The following TRABD2A variants were observed in gnomAD, a reference collection of about 807,000 sequenced individuals.
The protein encoded by TRABD2A is metalloprotease TIKI1.
TRABD2A carries 43 observed loss-of-function variants against 45.6 expected under a neutral mutation model. The observed-to-expected ratio is 0.94, with a 90% confidence interval of 0.74 to 1.22. The LOEUF is 1.22. Ranked by LOEUF, TRABD2A falls within the 50% of genes most tolerant of loss-of-function variation. The pLI, the probability that TRABD2A is intolerant of heterozygous loss-of-function variation, is 0.00. For missense variants in TRABD2A, 642 were observed against 652.4 expected, an observed-to-expected ratio of 0.98 and a Z score of 0.17; for synonymous variants, 269 against 265.0, an observed-to-expected ratio of 1.02 and a Z score of -0.15.
Position 84,865,928 on chromosome 2 carries a change from T to C in TRABD2A, c.669+4297A>G, listed in dbSNP as rs772669644. 8.8e-4 allele frequency among the ~76,000 whole-genome samples: 134 copies of C among 152,220 alleles called. 1 individual carries two copies. Among genetic ancestry groups the C allele is most frequent in the Non-Finnish European group, 1.4e-3 (95 of 68,038 alleles). ...GCTTCCTTCACATAGGGAATGCCAA[T>C]GCAGCTGGCAGTACCAAGCAGGCAT... On this transcript the variant is annotated intron_variant, in intron 2 of 6. Coordinates refer to ENST00000409520, the MANE Select transcript of TRABD2A (RefSeq NM_001277053.2).
chr2:84,852,427 C>G (rs1483718578), intron 2 of TRABD2A, among the ~76,000 whole-genome samples: 2 of 151,974 alleles, frequency 1.3e-5, no homozygotes, highest in Non-Finnish European at 2.9e-5. Flanking sequence ...CCAGCATGAC[C>G]ATGGGATTGG....
intron 2 of TRABD2A, among the ~76,000 whole-genome samples, chr2:84,864,526 T>A (rs1178662859): frequency 2.0e-5 from 3 of 152,066 alleles, no homozygotes; most frequent in Admixed American, 6.5e-5. Flanking sequence ...CAGAGTTGGA[T>A]TAGAAACAGG....
At chr2:84,827,605 T>C (rs779145688) in intron 5 of TRABD2A, among the ~76,000 whole-genome samples, 5 of 152,208 alleles carry the variant, frequency 3.3e-5, no homozygotes, top group South Asian at 2.1e-4. Context: ...AAGATGTCCA[T>C]GACCTAGCCC....
At chr2:84,865,979 G>A (rs984098522) in intron 2 of TRABD2A, among the ~76,000 whole-genome samples, 3 of 152,232 alleles carry the variant, frequency 2.0e-5, no homozygotes, top group Non-Finnish European at 2.9e-5. Flanking sequence ...GAGAACAGGA[G>A]TCATAACTTG....
At chr2:84,837,518 C>T (rs1461318557) in intron 4 of TRABD2A, 1 of 152,212 alleles carries the variant, frequency 6.6e-6, no homozygotes, top group Non-Finnish European at 1.5e-5. Flanking sequence ...CCCTTAGTCC[C>T]AGGTGCATTG....
chr2:84,822,181 G>C (rs147021786), intron 6 of TRABD2A, 81 bp from the exon 7 acceptor site: 14 of 1,246,164 alleles, frequency 1.1e-5, no homozygotes, highest in Non-Finnish European at 1.5e-5. Flanking sequence ...TGCCCACACA[G>C]CTTCTCTTCA....
chr2:84,857,228 A>G (rs1682344083), intron 2 of TRABD2A, among the ~76,000 whole-genome samples: 1 of 152,210 alleles, frequency 6.6e-6, no homozygotes, highest in African/African-American at 2.4e-5. Flanking sequence ...CTGGGGCAAC[A>G]ATAAGAATAA....
Position 84,822,003 on chromosome 2 carries a change from C to G in TRABD2A, c.1432G>C (p.Val478Leu). 1 of 1,598,920 alleles carries G rather than the reference C, an allele frequency of 6.3e-7. No individual in the cohort carries two copies. Among genetic ancestry groups the G allele is most frequent in the Non-Finnish European group, 8.5e-7 (1 of 1,172,974 alleles). ...AGAGACAGGCAGGCACTGCTGGCCA[C>G]CATCTGGCTGTGGTGGGAATGCCCA... Reference protein sequence around the residue: ...RRGHSHHSQMVASSACLSLWT... With the variant: ...RRGHSHHSQMLASSACLSLWT... The change falls in exon 7 of 7, where the codon GTG becomes CTG. Residue 478 changes from valine to leucine, a missense_variant. Coordinates refer to ENST00000409520, the MANE Select transcript of TRABD2A (RefSeq NM_001277053.2).
chr2:84,845,961 T>C (rs1034091450), intron 2 of TRABD2A, among the ~76,000 whole-genome samples: 3 of 152,184 alleles, frequency 2.0e-5, no homozygotes, highest in Admixed American at 6.5e-5. Context: ...TAGTGTATCA[T>C]AGAAGCTTCT....
chr2:84,873,114 CAAAA>C (rs34974821), intron 1 of TRABD2A, among the ~76,000 whole-genome samples: 70 of 70,684 alleles, frequency 9.9e-4, no homozygotes, highest in African/African-American at 3.5e-3. Context: ...GACTTCATCT[CAAAA>C]AAAAAAAAAA....
At chr2:84,843,555 A>C (rs1681781416) in intron 2 of TRABD2A, 1 of 152,386 alleles carries the variant, frequency 6.6e-6, no homozygotes, top group Non-Finnish European at 1.5e-5. Flanking sequence ...TGAGGAACAG[A>C]AATATATTTC....
intron 2 of TRABD2A, among the ~76,000 whole-genome samples, chr2:84,853,435 T>C (rs1682166880): frequency 6.6e-6 from 1 of 152,124 alleles, no homozygotes; most frequent in Non-Finnish European, 1.5e-5. Flanking sequence ...GAAAAGCCCC[T>C]TATGAAACTA....
In TRABD2A at chr2:84,835,764, T is replaced by TCTTCCTG. The variant is rs1291203227; in HGVS notation, c.991+3384_991+3385insCAGGAAG. Among the ~76,000 whole-genome samples the TCTTCCTG allele has an allele frequency of 6.7e-3, 1,022 of 152,272 alleles. 17 individuals are homozygous for TCTTCCTG. The highest frequency in any genetic ancestry group is 0.024 in the African/African-American group (991 of 41,538). On this transcript the variant is annotated intron_variant, in intron 4 of 6. Transcript: ENST00000409520. ...TACATGGCAGGAGGGGCTAATGCTA[T>TCTTCCTG]ATCTTCACATGGTGGAAGGCACAAG...
At chr2:84,861,009 G>A (rs1471556547) in intron 2 of TRABD2A, among the ~76,000 whole-genome samples, 2 of 152,226 alleles carry the variant, frequency 1.3e-5, no homozygotes, top group African/African-American at 4.8e-5. Context: ...GCTCAGGCAG[G>A]TATCAGGCCC....
chr2:84,860,453 C>G (rs1302974017), intron 2 of TRABD2A, among the ~76,000 whole-genome samples: 4 of 152,110 alleles, frequency 2.6e-5, no homozygotes, highest in Non-Finnish European at 5.9e-5. Context: ...AGGAGAGAGG[C>G]CTTGGAAGAA....
chr2:84,827,198 G>T (rs1413659696), intron 5 of TRABD2A, among the ~76,000 whole-genome samples: 3 of 152,138 alleles, frequency 2.0e-5, no homozygotes, highest in African/African-American at 4.8e-5. Context: ...GGTCATTTTG[G>T]CTACAATATA....
intron 5 of TRABD2A, among the ~76,000 whole-genome samples, chr2:84,829,384 ACACACACAC>A (rs1484358839): frequency 8.1e-5 from 12 of 147,502 alleles, no homozygotes; most frequent in African/African-American, 2.5e-4. Context: ...ACACACACAC[ACACACACAC>A]ACACACCACA....
intron 2 of TRABD2A, among the ~76,000 whole-genome samples, chr2:84,855,024 C>T (rs1034682476): frequency 4.6e-5 from 7 of 152,274 alleles, no homozygotes; most frequent in Middle Eastern, 3.4e-3. Context: ...CATGATTCCA[C>T]GTGCCCCCTC....
In TRABD2A at chr2:84,839,238, A is replaced by G. The variant is rs777734196; in HGVS notation, c.902T>C (p.Ile301Thr). The change falls in exon 4 of 7, where the codon ATC becomes ACC. Residue 301 changes from isoleucine to threonine, a missense_variant. Transcript: ENST00000409520. ...EIDSYLRREL[I>T]YKRNERIGKR... ...CCCTATTCTCTCATTCCGCTTGTAG[A>G]TCAGCTCCCGGCGTAAGTAGCTGTC... 16 of 1,613,942 alleles carry G rather than the reference A, an allele frequency of 9.9e-6. No homozygotes were observed. Among genetic ancestry groups the G allele is most frequent in the African/African-American group, 1.3e-5 (1 of 75,024 alleles).
Sources: allele counts gnomAD v4.1 joint callset (sites outside exome capture counted in the v4.1 genomes callset), GRCh38; gene constraint gnomAD v4.1.1; transcripts MANE v1.5; gene names NCBI Gene and HGNC (gene_info 2026-07-23, HGNC 2026-07-21).